Variants in PAK4 observed in about 807,000 individuals in gnomAD.
PAK4 encodes p21 (RAC1) activated kinase 4.
PAK4 carries 49 observed loss-of-function variants against 53.5 expected under a neutral mutation model. The observed-to-expected ratio is 0.92, with a 90% confidence interval of 0.73 to 1.16. The LOEUF is 1.16. PAK4 is among the 50% of genes most tolerant of loss of function. PAK4 has a pLI of 0.00. For missense variants in PAK4, 824 were observed against 850.7 expected (o/e 0.97, Z 0.39); for synonymous variants, 376 against 375.6 (o/e 1.00, Z -0.01).
At chr19:39,141,674 T>C (rs1012052233) in intron 1 of PAK4, among the ~76,000 whole-genome samples, 2 of 142,294 alleles carry the variant, frequency 1.4e-5, no homozygotes, top group African/African-American at 5.3e-5. Context: ...TCACTCTGTC[T>C]CCCAGGCTGG....
At chr19:39,156,332 G>C (rs2074180685) in intron 1 of PAK4, among the ~76,000 whole-genome samples, 1 of 147,646 alleles carries the variant, frequency 6.8e-6, no homozygotes, top group Non-Finnish European at 1.5e-5. Flanking sequence ...TCACTCCCCA[G>C]CCACCCCCAC....
chr19:39,161,677 C>A lies in PAK4; in HGVS notation c.-22-7855C>A, dbSNP rs1161491698. ...CAACTCCGTCTCACTCGGGAAAGGA[C>A]CAGGCCCTCCCGGTGGCCCCCAAAG... On this transcript the variant is annotated intron_variant, in intron 1 of 8. Transcript: ENST00000358301. The surrounding 1 kb of genome is among the most constrained non-coding windows in gnomAD (Gnocchi z 4.5). Among the ~76,000 whole-genome samples, 1 of 152,034 alleles carries A rather than the reference C, an allele frequency of 6.6e-6. No homozygotes were observed. Among genetic ancestry groups the A allele is most frequent in the Non-Finnish European group, 1.5e-5 (1 of 67,996 alleles).
intron 4 of PAK4, 81 bp downstream of exon 5, chr19:39,174,091 C>T: frequency 1.1e-6 from 1 of 909,256 alleles, no homozygotes; most frequent in Non-Finnish European, 1.7e-6. Flanking sequence ...CCTCCTCTCC[C>T]TGCACTCCTC....
At chr19:39,135,350 T>TTA (rs2073792211) in intron 1 of PAK4, 1 of 108,706 alleles carries the variant, frequency 9.2e-6, no homozygotes, top group African/African-American at 3.2e-5. Context: ...TTTTTTTTTT[T>TTA]TTTGAGATGG....
At chr19:39,130,482 T>A (rs2145096302) in intron 1 of PAK4, among the ~76,000 whole-genome samples, 1 of 151,890 alleles carries the variant, frequency 6.6e-6, no homozygotes, top group South Asian at 2.1e-4. Flanking sequence ...TGAGCGAGGC[T>A]GGAAGGAGGT....
chr19:39,152,375 C>T (rs555479538), intron 1 of PAK4: 5 of 152,202 alleles, frequency 3.3e-5, no homozygotes, highest in African/African-American at 4.8e-5. Flanking sequence ...GTTGCCGTAT[C>T]ACAGTGCTTA....
intron 1 of PAK4, among the ~76,000 whole-genome samples, chr19:39,134,361 G>T (rs955922756): frequency 1.3e-5 from 2 of 152,186 alleles, no homozygotes; most frequent in Non-Finnish European, 2.9e-5. Context: ...TGTCCATCAC[G>T]ACCACAGTCG....
chr19:39,176,217 C>G (rs550388340), intron 6 of PAK4, among the ~76,000 whole-genome samples: 1 of 152,234 alleles, frequency 6.6e-6, no homozygotes, highest in African/African-American at 2.4e-5. Context: ...ACTTTCTGCT[C>G]CAACCGAACT....
chr19:39,126,953 A>G (rs1463818006), intron 1 of PAK4, among the ~76,000 whole-genome samples: 1 of 152,172 alleles, frequency 6.6e-6, no homozygotes, highest in African/African-American at 2.4e-5. Flanking sequence ...CCTGGTCGCC[A>G]CATTGTCCGC....
intron 1 of PAK4, among the ~76,000 whole-genome samples, chr19:39,138,607 G>A (rs780232034): frequency 2.6e-5 from 4 of 152,138 alleles, no homozygotes; most frequent in Admixed American, 6.5e-5. Context: ...ACAAGATGCC[G>A]TGCACCCTGG....
intron 1 of PAK4, 144 bp from the exon 3 acceptor site, chr19:39,169,387 CA>C: frequency 1.5e-6 from 1 of 647,252 alleles, no homozygotes; most frequent in Non-Finnish European, 2.8e-6. Flanking sequence ...CAGATGGGCG[CA>C]GGGGGTGGGC....
rs529626926 is a variant in PAK4 at position 39,158,089 on chromosome 19, C to T, written c.-22-11443C>T. On this transcript the variant is annotated intron_variant, in intron 1 of 8. Coordinates refer to ENST00000358301, the Ensembl canonical transcript of PAK4. Reference sequence around the variant, plus strand: ...GTGTGAGCATGCATGTGTGTGTGTGCATGTGTGTGCATGCATGTGAGCATT... The same window carrying T: ...GTGTGAGCATGCATGTGTGTGTGTGTATGTGTGTGCATGCATGTGAGCATT... 4.0e-5 allele frequency among the ~76,000 whole-genome samples: 6 copies of T among 148,568 alleles called. No homozygotes were observed. The East Asian group carries it at 8.0e-4, about 20-fold the overall frequency.
At chr19:39,176,759 C>G in intron 7 of PAK4, 44 bp downstream of exon 8, 1 of 1,590,592 alleles carries the variant, frequency 6.3e-7, no homozygotes, top group South Asian at 1.1e-5. Flanking sequence ...GGACAGCGTA[C>G]GCTGCCATTT....
At position 39,133,843 on chromosome 19, in the gene PAK4, C is replaced by T. The variant is rs185999296; in HGVS notation, c.-23+7924C>T. ...CACTCCCACACTTCACTCCCAGAGG[C>T]GGAAGGCGGCCGGTCTTCCTGGGCT... On this transcript the variant is annotated intron_variant, in intron 1 of 8. Transcript: ENST00000358301. Among the ~76,000 whole-genome samples the T allele has an allele frequency of 4.5e-3, 690 of 152,344 alleles. 7 individuals are homozygous for T. The highest frequency in any genetic ancestry group is 0.016 in the African/African-American group (646 of 41,574).
chr19:39,148,466 C>CTTTGTTTTTTTTTTTT (rs2074039775), intron 1 of PAK4, among the ~76,000 whole-genome samples: 1 of 56,786 alleles, frequency 1.8e-5, no homozygotes, highest in Non-Finnish European at 2.9e-5. Context: ...GTTTCTTCTG[C>CTTTGTTTTTTTTTTTT]TTTTTTTTTT....
intron 1 of PAK4, among the ~76,000 whole-genome samples, chr19:39,148,706 C>T (rs1300223705): frequency 4.0e-5 from 6 of 151,166 alleles, no homozygotes; most frequent in African/African-American, 1.5e-4. Flanking sequence ...CCGCCTGCCT[C>T]AGCCTCCCAA....
chr19:39,176,427 C>T (rs1174026205), intron 6 of PAK4, 163 bp from the exon 8 acceptor site: 10 of 860,684 alleles, frequency 1.2e-5, no homozygotes, highest in African/African-American at 5.0e-5. Flanking sequence ...TGGTGGAGCT[C>T]CCCATTGGTC....
At position 39,139,519 on chromosome 19, in the gene PAK4, C is replaced by T. The variant is rs571316556; in HGVS notation, c.-23+13600C>T. Among the ~76,000 whole-genome samples the T allele has an allele frequency of 6.6e-5, 10 of 152,260 alleles. No homozygotes were observed. The East Asian group carries it at 1.2e-3, about 18-fold the overall frequency. On this transcript the variant is annotated intron_variant, in intron 1 of 8. Coordinates refer to ENST00000358301, the Ensembl canonical transcript of PAK4. The stretch of plus-strand genomic sequence containing the variant: ...GGAGGGGACTCTGGAGATGGCTGTG[C>T]CAGGCCTGACTTCATTCCTTGCATT...
At chr19:39,162,367 C>T (rs547604152) in intron 1 of PAK4, among the ~76,000 whole-genome samples, 105 of 150,470 alleles carry the variant, frequency 7.0e-4, no homozygotes, top group African/African-American at 2.2e-3. Flanking sequence ...GTGATTCTCC[C>T]GCCTCAGCCT....
Sources: allele counts gnomAD v4.1 joint callset (sites outside exome capture counted in the v4.1 genomes callset), GRCh38; gene constraint gnomAD v4.1.1; non-coding constraint Gnocchi (gnomAD v3.1); transcripts MANE v1.5; gene names NCBI Gene and HGNC (gene_info 2026-07-23, HGNC 2026-07-21).